TRIM67: variants seen among roughly 807,000 people sequenced by gnomAD.
TRIM67 encodes the protein tripartite motif-containing protein 67.
TRIM67 carries 39 observed loss-of-function variants against 71.0 expected under a neutral mutation model. That is an observed-to-expected ratio of 0.55 (90% CI 0.43 to 0.72). The LOEUF (loss-of-function observed/expected upper bound fraction) is 0.72, where lower values mean the gene tolerates loss of function less well. Ranked by LOEUF, TRIM67 falls within the 30% of genes least tolerant of loss-of-function variation. TRIM67 has a pLI of 0.00. For missense variants in TRIM67, 973 were observed against 1,079.2 expected, an observed-to-expected ratio of 0.90 and a Z score of 1.38; for synonymous variants, 481 against 473.9, an observed-to-expected ratio of 1.01 and a Z score of -0.19.
rs566953055 is a variant in TRIM67 at position 231,221,141 on chromosome 1, G to A, written c.*5701G>A. 6.6e-6 allele frequency: 1 copy of A among 152,342 alleles called. No individual in the cohort carries two copies. The highest frequency in any genetic ancestry group is 2.1e-4 in the South Asian group (1 of 4,832). The allele number at this position is 152,342 out of a possible 1,614,324, so 9.4% of individuals were successfully genotyped here. On this transcript the variant is annotated 3_prime_UTR_variant, in exon 10 of 10. Coordinates refer to ENST00000366653, the MANE Select transcript of TRIM67 (RefSeq NM_001004342.5). The stretch of plus-strand genomic sequence containing the variant: ...CTAAGCTGTTGTATTAAGCATGAGA[G>A]GTGTTTGTTTAACGTTGGCAAAGGG...
chr1:231,200,321 C>T, intron 4 of TRIM67, 63 bp downstream of exon 4: 1 of 1,086,442 alleles, frequency 9.2e-7, no homozygotes, highest in African/African-American at 1.5e-5. Context: ...TTCCCCAAAT[C>T]AGCCCAAGTT....
chr1:231,200,027 G>A (rs1040579484), intron 3 of TRIM67, 121 bp from the exon 4 acceptor site: 9 of 694,632 alleles, frequency 1.3e-5, no homozygotes, highest in African/African-American at 1.0e-4. Flanking sequence ...GCTGGTGCAA[G>A]GTGGTCCAGG....
rs1367454139 is a variant in TRIM67, at chr1:231,167,532, C to G, written c.1044+3519C>G. Reference sequence around the variant, plus strand: ...AGAGACGGGGTTTCACCGTTTTAGCCGGGATGGTCTCGATCTCCTGACCTC... The same window carrying G: ...AGAGACGGGGTTTCACCGTTTTAGCGGGGATGGTCTCGATCTCCTGACCTC... On this transcript the variant is annotated intron_variant, in intron 1 of 9. Coordinates refer to ENST00000366653, the MANE Select transcript of TRIM67 (RefSeq NM_001004342.5). Among the ~76,000 whole-genome samples the G allele has an allele frequency of 1.8e-5, 2 of 110,496 alleles. 1 individual carries two copies. Among genetic ancestry groups the G allele is most frequent in the East Asian group, 6.6e-4 (2 of 3,036 alleles). The allele number at this position is 110,496 out of a possible 152,430, so 72.5% of individuals were successfully genotyped here.
At position 231,220,109 on chromosome 1, in the gene TRIM67, C is replaced by T; in HGVS notation, c.*4669C>T. 1 of 531,952 alleles carries T rather than the reference C, an allele frequency of 1.9e-6. No homozygotes were observed. The highest frequency in any genetic ancestry group is 3.1e-6 in the Non-Finnish European group (1 of 325,564). The allele number at this position is 531,952 out of a possible 1,614,324, so 33.0% of individuals were successfully genotyped here. A position where few individuals can be genotyped will look rare whatever the true frequency, so the allele number is the denominator to read the frequency against. ...ATAACATTTTTAAAGAAAAAAAGTG[C>T]AGTCTTTCATCTCTGGCATCTAAGC... On this transcript the variant is annotated 3_prime_UTR_variant, in exon 10 of 10. Transcript: ENST00000366653.
At chr1:231,202,977 G>A (rs550553106) in intron 5 of TRIM67, among the ~76,000 whole-genome samples, 1 of 152,288 alleles carries the variant, frequency 6.6e-6, no homozygotes, top group South Asian at 2.1e-4. Context: ...AGCGTTCAGA[G>A]AGGAAGCGGG....
chr1:231,178,276 A>G (rs1682807982), intron 1 of TRIM67, among the ~76,000 whole-genome samples: 1 of 152,230 alleles, frequency 6.6e-6, no homozygotes, highest in Non-Finnish European at 1.5e-5. Flanking sequence ...TGACATTACT[A>G]AAATCATTGG....
intron 1 of TRIM67, among the ~76,000 whole-genome samples, chr1:231,174,152 C>CTTTTTTTTTT (rs35651112): frequency 6.3e-5 from 8 of 127,352 alleles, no homozygotes; most frequent in East Asian, 2.3e-4. Flanking sequence ...GTCTTATTTT[C>CTTTTTTTTTT]TTTTTTTTTT....
At chr1:231,198,981 C>A in intron 2 of TRIM67, 66 bp from the exon 3 acceptor site, 2 of 1,609,534 alleles carry the variant, frequency 1.2e-6, no homozygotes, top group Middle Eastern at 1.7e-4. Context: ...ATAGCACTCA[C>A]CAGATTTTAG....
chr1:231,180,044 G>C (rs942633925), intron 1 of TRIM67, among the ~76,000 whole-genome samples: 1 of 152,194 alleles, frequency 6.6e-6, no homozygotes, highest in African/African-American at 2.4e-5. Context: ...GACCCATCCA[G>C]GGTTATAATG....
rs113590512 is a variant in TRIM67 at position 231,171,213 on chromosome 1, C to T, written c.1044+7200C>T. Reference sequence around the variant, plus strand: ...GGCACCAGTCAGGATCTTTAGGTTACACAAACTCTGGGTACTGGGAAACCA... The same window carrying T: ...GGCACCAGTCAGGATCTTTAGGTTATACAAACTCTGGGTACTGGGAAACCA... On this transcript the variant is annotated intron_variant, in intron 1 of 9. Transcript: ENST00000366653. Among the ~76,000 whole-genome samples, 88 of 152,198 alleles carry T rather than the reference C, an allele frequency of 5.8e-4. 1 individual carries two copies. The highest frequency in any genetic ancestry group is 2.0e-3 in the African/African-American group (85 of 41,534).
At chr1:231,202,136 G>A (rs1271136086) in intron 5 of TRIM67, among the ~76,000 whole-genome samples, 2 of 127,726 alleles carry the variant, frequency 1.6e-5, no homozygotes, top group Non-Finnish European at 3.5e-5. Flanking sequence ...AGGAGATGGA[G>A]GAGGAGGAAG....
At position 231,217,253 on chromosome 1, in the gene TRIM67, G is replaced by C. The variant is rs867627424; in HGVS notation, c.*1813G>C. On this transcript the variant is annotated 3_prime_UTR_variant, in exon 10 of 10. Coordinates refer to ENST00000366653, the MANE Select transcript of TRIM67 (RefSeq NM_001004342.5). ...AGGAGCTGCTCGGTGCTGTGTTGCA[G>C]TCTCTGCTGCGGAGCCTGGGAGCTA... 1.9e-5 allele frequency: 19 copies of C among 986,072 alleles called. No individual in the cohort carries two copies. In the Middle Eastern group the frequency reaches 1.6e-3, roughly 81 times the overall value. The allele number at this position is 986,072 out of a possible 1,614,324, so 61.1% of individuals were successfully genotyped here.
chr1:231,216,736 G>A lies in TRIM67; in HGVS notation c.*1296G>A. On this transcript the variant is annotated 3_prime_UTR_variant, in exon 10 of 10. Coordinates refer to ENST00000366653, the MANE Select transcript of TRIM67 (RefSeq NM_001004342.5). The stretch of plus-strand genomic sequence containing the variant: ...GTCTGACCTGCCAGGGCAGGACTCT[G>A]GAAACACCAGGCTTCTCCCTTGAGA... 1 of 985,472 alleles carries A rather than the reference G, an allele frequency of 1.0e-6. No homozygotes were observed. Among genetic ancestry groups the A allele is most frequent in the Non-Finnish European group, 1.2e-6 (1 of 829,954 alleles). The allele number at this position is 985,472 out of a possible 1,614,324, so 61.0% of individuals were successfully genotyped here. A position where few individuals can be genotyped will look rare whatever the true frequency, so the allele number is the denominator to read the frequency against.
At chr1:231,192,726 C>A (rs1683266789) in intron 1 of TRIM67, among the ~76,000 whole-genome samples, 1 of 152,244 alleles carries the variant, frequency 6.6e-6, no homozygotes, top group African/African-American at 2.4e-5. Context: ...GACCAGGGCA[C>A]AGGGCCCTCA....
chr1:231,217,626 G>C lies in TRIM67; in HGVS notation c.*2186G>C. Reference sequence around the variant, plus strand: ...GGCCTACACCCTGCCCCCAGAATGAGAGTGGGCTAGGCAGGGCTGCCTGGT... The same window carrying C: ...GGCCTACACCCTGCCCCCAGAATGACAGTGGGCTAGGCAGGGCTGCCTGGT... On this transcript the variant is annotated 3_prime_UTR_variant, in exon 10 of 10. Transcript: ENST00000366653. The C allele has an allele frequency of 8.9e-7, 1 of 1,128,268 alleles. No homozygotes were observed. Among genetic ancestry groups the C allele is most frequent in the Non-Finnish European group, 1.1e-6 (1 of 907,170 alleles). 69.9% of individuals were successfully genotyped at this position (1,128,268 alleles called of 1,614,324 possible).
Position 231,220,388 on chromosome 1 carries a change from G to A in TRIM67, c.*4948G>A, listed in dbSNP as rs61828873. ...GGCTACCTGTCAGCAGTCTCACTGCGAGGCCTCAAGGCCTCTGTGAGCAGA... is the reference window on the plus strand; with the variant it reads ...GGCTACCTGTCAGCAGTCTCACTGCAAGGCCTCAAGGCCTCTGTGAGCAGA... On this transcript the variant is annotated 3_prime_UTR_variant, in exon 10 of 10. Transcript: ENST00000366653. 4,861 of 158,802 alleles carry A rather than the reference G, an allele frequency of 0.031. 102 individuals carry two copies. Among genetic ancestry groups the A allele is most frequent in the Middle Eastern group, 0.081 (25 of 310 alleles). 9.8% of individuals were successfully genotyped at this position (158,802 alleles called of 1,614,324 possible). A position where few individuals can be genotyped will look rare whatever the true frequency, so the allele number is the denominator to read the frequency against.
rs56115614 is a variant in TRIM67, at chr1:231,176,906, CAAAAA to C, written c.1044+12906_1044+12910del. ...TACCCTGTTTGCCAATACAATCTGG[CAAAAA>C]AAAAAAAAAAAACACCTTTCAAACA... On this transcript the variant is annotated intron_variant, in intron 1 of 9. Transcript: ENST00000366653. Among the ~76,000 whole-genome samples the C allele has an allele frequency of 5.5e-4, 41 of 74,406 alleles. 2 individuals carry two copies. Among genetic ancestry groups the C allele is most frequent in the African/African-American group, 2.2e-3 (36 of 16,594 alleles). 48.8% of individuals were successfully genotyped at this position (74,406 alleles called of 152,430 possible). A position where few individuals can be genotyped will look rare whatever the true frequency, so the allele number is the denominator to read the frequency against.
chr1:231,190,979 T>C (rs1683215535), intron 1 of TRIM67, among the ~76,000 whole-genome samples: 1 of 152,208 alleles, frequency 6.6e-6, no homozygotes, highest in Non-Finnish European at 1.5e-5. Context: ...TGTTGCTGCA[T>C]CTGCCTCAAT....
At chr1:231,174,568 A>G (rs1682697064) in intron 1 of TRIM67, among the ~76,000 whole-genome samples, 1 of 151,760 alleles carries the variant, frequency 6.6e-6, no homozygotes, top group Non-Finnish European at 1.5e-5. Flanking sequence ...GTTATTTTTT[A>G]GGCTGTGGCA....
Sources: allele counts gnomAD v4.1 joint callset (sites outside exome capture counted in the v4.1 genomes callset), GRCh38; gene constraint gnomAD v4.1.1; transcripts MANE v1.5; gene names NCBI Gene and HGNC (gene_info 2026-07-23, HGNC 2026-07-21).